Variants in SYNE2 observed in about 807,000 individuals in gnomAD.
The protein encoded by SYNE2 is spectrin repeat containing nuclear envelope protein 2, also known as nesprin-2.
A neutral mutation model predicts 856.3 loss-of-function variants in SYNE2; 431 were observed. The observed-to-expected ratio is 0.50, with a 90% CI of 0.47 to 0.55. The LOEUF (loss-of-function observed/expected upper bound fraction) is 0.55, where lower values mean the gene tolerates loss of function less well. Ranked by LOEUF, SYNE2 falls within the 20% of genes least tolerant of loss-of-function variation. SYNE2 has a pLI of 0.00. For missense variants in SYNE2, 8,129 were observed against 8,023.2 expected (o/e 1.01, Z -0.50); for synonymous variants, 2,923 against 2,872.3 (o/e 1.02, Z -0.56).
intron 45 of SYNE2, among the ~76,000 whole-genome samples, chr14:64,035,162 T>A (rs2097076848): frequency 6.6e-6 from 1 of 152,018 alleles, no homozygotes; most frequent in African/African-American, 2.4e-5. Context: ...TCTAATTTGA[T>A]GTTTAAGAAG....
intron 8 of SYNE2, among the ~76,000 whole-genome samples, chr14:63,958,817 C>G (rs1018392813): frequency 6.6e-6 from 1 of 152,154 alleles, no homozygotes; most frequent in Non-Finnish European, 1.5e-5. Flanking sequence ...TCAGTATGGA[C>G]TTATTGATAT....
chr14:63,783,458 A>G (rs1368449634), intron 1 of SYNE2, among the ~76,000 whole-genome samples: 1 of 151,686 alleles, frequency 6.6e-6, no homozygotes, highest in African/African-American at 2.4e-5. Flanking sequence ...GCTCACTGCA[A>G]CCTCCGCCTC....
At chr14:64,141,632 C>T (rs2098139855) in intron 81 of SYNE2, 109 bp downstream of exon 81, 3 of 1,214,506 alleles carry the variant, frequency 2.5e-6, no homozygotes, top group Non-Finnish European at 3.5e-6. Context: ...ACCTATTTTT[C>T]TCTGGCACCA....
Position 64,055,434 on chromosome 14 carries a change from T to C in SYNE2, c.9745-510T>C, listed in dbSNP as rs550543496. On this transcript the variant is annotated intron_variant, in intron 48 of 115. Transcript: ENST00000555002. ...CCCAGGCTGGAGTGCAGTGGCGCGA[T>C]CTCGGCTCACTGCAACCTCCGCCTC... Among the ~76,000 whole-genome samples the C allele has an allele frequency of 6.2e-3, 932 of 150,182 alleles. 12 individuals carry two copies. The highest frequency in any genetic ancestry group is 0.022 in the African/African-American group (891 of 40,572).
Position 64,167,511 on chromosome 14 carries a change from G to A in SYNE2, c.16777G>A (p.Gly5593Arg), listed in dbSNP as rs2098386981. The A allele has an allele frequency of 2.5e-6, 4 of 1,614,176 alleles. No homozygotes were observed. Among genetic ancestry groups the A allele is most frequent in the South Asian group, 1.1e-5 (1 of 91,076 alleles). Residue 5593 changes from glycine to arginine, a missense_variant, in exon 92 of 116, where the codon GGA (glycine) becomes AGA (arginine). This residue lies in a region of SYNE2 where 5,410 missense variants were observed against 5,284.8 expected (regional missense o/e 1.02). Coordinates refer to ENST00000555002, the MANE Select transcript of SYNE2 (RefSeq NM_182914.3). Reference sequence around the variant, plus strand: ...CCTTTGTAGTGAGCTTCAGGGAATTGGATTGAATGAAAAGTTTCTTTATTG... The same window carrying A: ...CCTTTGTAGTGAGCTTCAGGGAATTAGATTGAATGAAAAGTTTCTTTATTG... The part of the protein sequence containing the change: ...LERCSELQGI[G>R]LNEKFLYCCE...
chr14:64,062,902 G>T lies in SYNE2; in HGVS notation c.10212+7G>T. 2 of 1,614,138 alleles carry T rather than the reference G, an allele frequency of 1.2e-6. No homozygotes were observed. Among genetic ancestry groups the T allele is most frequent in the South Asian group, 2.2e-5 (2 of 91,088 alleles). ...GCGCTTGGAACAGAGCAAGGTAATA[G>T]TATTGGCAATTAGCCAGTAAGTCTG... On this transcript the variant is annotated splice_region_variant and intron_variant, in intron 50 of 115. Coordinates refer to ENST00000555002, the MANE Select transcript of SYNE2 (RefSeq NM_182914.3).
intron 19 of SYNE2, among the ~76,000 whole-genome samples, chr14:63,987,740 A>G (rs2096636919): frequency 1.3e-5 from 2 of 152,050 alleles, no homozygotes; most frequent in South Asian, 4.1e-4. Context: ...CTTGAAAAAA[A>G]TGAGGTAGAA....
chr14:64,074,936 A>G (rs1373602025), intron 53 of SYNE2, among the ~76,000 whole-genome samples: 1 of 152,190 alleles, frequency 6.6e-6, no homozygotes, highest in Non-Finnish European at 1.5e-5. Flanking sequence ...TATATTGGAA[A>G]GTAAAGAAGC....
In SYNE2 at chr14:64,167,555, A is replaced by C. The variant is rs1404322748; in HGVS notation, c.16821A>C (p.Gln5607His). 6.2e-7 allele frequency: 1 copy of C among 1,614,246 alleles called. No individual in the cohort carries two copies. The highest frequency in any genetic ancestry group is 1.7e-5 in the Admixed American group (1 of 60,028). Residue 5607 changes from glutamine to histidine, a missense_variant, in exon 92 of 116, where the codon CAA becomes CAC. Physicochemically the swap from Gln to His is conservative, Grantham distance 24. Coordinates refer to ENST00000555002, the MANE Select transcript of SYNE2 (RefSeq NM_182914.3). ...KFLYCCEKWI[Q>H]LLEKIEEALK... ...TTTATTGCTGTGAAAAGTGGATCCAACTTTTGGAGAAGATAGAAGAAGCAC... is the reference window on the plus strand; with the variant it reads ...TTTATTGCTGTGAAAAGTGGATCCACCTTTTGGAGAAGATAGAAGAAGCAC...
chr14:64,225,477 G>C lies in SYNE2; in HGVS notation c.20675G>C (p.Arg6892Pro). ...YSCTQANNFARSFYPMLRYTN... is the reference protein window; with the variant it reads ...YSCTQANNFAPSFYPMLRYTN... ...TGCACTCAGGCCAACAACTTTGCCC[G>C]GTCCTTTTACCCCATGCTGAGGTAC... The change falls in exon 116 of 116, where the codon CGG becomes CCG. Residue 6892 changes from arginine to proline, a missense_variant. By Grantham distance (103) the Arg-to-Pro change is moderately radical (BLOSUM62 -2). This residue lies in a region of SYNE2 where 5,410 missense variants were observed against 5,284.8 expected (regional missense o/e 1.02). Transcript: ENST00000555002. 3 of 1,614,140 alleles carry C rather than the reference G, an allele frequency of 1.9e-6. No individual in the cohort carries two copies. Among genetic ancestry groups the C allele is most frequent in the African/African-American group, 1.3e-5 (1 of 75,040 alleles).
chr14:63,853,543 G>A (rs1890934643), intron 1 of SYNE2, among the ~76,000 whole-genome samples: 1 of 151,712 alleles, frequency 6.6e-6, no homozygotes, highest in South Asian at 2.1e-4. Flanking sequence ...CGGCCCTCGG[G>A]GGCCGCTGAT....
chr14:63,866,313 A>C (rs1895309184), intron 1 of SYNE2, among the ~76,000 whole-genome samples: 1 of 152,334 alleles, frequency 6.6e-6, no homozygotes, highest in South Asian at 2.1e-4. Context: ...AACTCTTTCA[A>C]TTTACTTAAA....
chr14:63,767,281 T>C (rs1886720477), intron 1 of SYNE2, among the ~76,000 whole-genome samples: 1 of 149,226 alleles, frequency 6.7e-6, no homozygotes, highest in African/African-American at 2.5e-5. Flanking sequence ...AATTTTTGTA[T>C]TTTTTTTTAG....
At chr14:64,004,088 G>T (rs146171064) in intron 30 of SYNE2, among the ~76,000 whole-genome samples, 1 of 151,702 alleles carries the variant, frequency 6.6e-6, no homozygotes, top group African/African-American at 2.4e-5. Flanking sequence ...TCAGTGGTGC[G>T]ATCTTGGCTC....
Position 64,150,551 on chromosome 14 carries a change from G to GGT in SYNE2, c.15640-1994_15640-1993dup, listed in dbSNP as rs4027399. ...GTTGTTTATGCTGCCATTTTTGAAGGGTGTGTGTGTGTGTGTGTGTTGTTA... is the reference window on the plus strand; with the variant it reads ...GTTGTTTATGCTGCCATTTTTGAAGGGTGTGTGTGTGTGTGTGTGTGTTGTTA... On this transcript the variant is annotated intron_variant, in intron 84 of 115. Transcript: ENST00000555002. Among the ~76,000 whole-genome samples the GGT allele has an allele frequency of 2.1e-3, 320 of 150,168 alleles. 2 individuals carry two copies. The highest frequency in any genetic ancestry group is 4.9e-3 in the East Asian group (25 of 5,080).
intron 88 of SYNE2, 127 bp downstream of exon 88, chr14:64,162,403 G>A: frequency 9.8e-7 from 1 of 1,019,348 alleles, no homozygotes; most frequent in Non-Finnish European, 1.5e-6. Context: ...CTGTGAACTT[G>A]CCATGTAGGA....
chr14:63,964,023 G>C (rs768538291), intron 10 of SYNE2, 23 bp downstream of exon 10: 1 of 1,402,872 alleles, frequency 7.1e-7, no homozygotes, highest in Non-Finnish European at 1.0e-6. Context: ...TTAAACAGCT[G>C]TTTGTAATTT....
intron 1 of SYNE2, among the ~76,000 whole-genome samples, chr14:63,775,063 A>G (rs963774385): frequency 6.6e-6 from 1 of 151,870 alleles, no homozygotes; most frequent in African/African-American, 2.4e-5. Flanking sequence ...TGCAACCTCC[A>G]CCTCTTGGGT....
chr14:64,177,262 A>C, intron 95 of SYNE2, 96 bp from the exon 96 acceptor site: 1 of 1,498,372 alleles, frequency 6.7e-7, no homozygotes, highest in East Asian at 2.3e-5. Flanking sequence ...AAACAAACTT[A>C]ATAGAAAGAT....
Sources: allele counts gnomAD v4.1 joint callset (sites outside exome capture counted in the v4.1 genomes callset), GRCh38; gene constraint gnomAD v4.1.1; regional missense constraint gnomAD v4.1.1; transcripts MANE v1.5; gene names NCBI Gene and HGNC (gene_info 2026-07-23, HGNC 2026-07-21).